The following PTPRD variants were observed in gnomAD, a reference collection of about 807,000 sequenced individuals.
PTPRD encodes the protein receptor-type tyrosine-protein phosphatase delta.
In PTPRD, 34 loss-of-function variants were observed where a neutral mutation model predicts 214.5. The ratio of observed to expected loss-of-function variants is 0.16; its 90% CI spans 0.12 to 0.21. The LOEUF (loss-of-function observed/expected upper bound fraction) is 0.21, where lower values mean the gene tolerates loss of function less well. PTPRD is among the 10% of genes least tolerant of loss of function. PTPRD has a pLI of 1.00. For synonymous variants in PTPRD, 1,128 were observed against 845.7 expected, an observed-to-expected ratio of 1.33 and a Z score of -5.79; for missense variants, 2,545 against 2,398.7, an observed-to-expected ratio of 1.06 and a Z score of -1.27.
At chr9:9,684,222 A>G (rs745766919) in intron 7 of PTPRD, among the ~76,000 whole-genome samples, 3 of 151,712 alleles carry the variant, frequency 2.0e-5, no homozygotes, top group Non-Finnish European at 4.4e-5. Context: ...TTTATTTCAA[A>G]TAGCCAAGAA....
At chr9:10,333,598 T>C (rs904983630) in intron 3 of PTPRD, among the ~76,000 whole-genome samples, 2 of 151,856 alleles carry the variant, frequency 1.3e-5, no homozygotes, top group African/African-American at 4.8e-5. Context: ...AGACAATATT[T>C]ACTTCCATTT....
chr9:8,789,136 C>T (rs1465443744), intron 11 of PTPRD, among the ~76,000 whole-genome samples: 2 of 152,044 alleles, frequency 1.3e-5, no homozygotes, highest in South Asian at 2.1e-4. Flanking sequence ...ACCAAAGATG[C>T]CATTTTATGG....
chr9:8,901,226 G>A (rs117016017), intron 11 of PTPRD, among the ~76,000 whole-genome samples: 5 of 152,124 alleles, frequency 3.3e-5, no homozygotes, highest in Admixed American at 3.3e-4. Context: ...TCTAACATTT[G>A]CATCTTCTGT....
chr9:9,644,164 T>C (rs1207642866), intron 7 of PTPRD, among the ~76,000 whole-genome samples: 1 of 152,228 alleles, frequency 6.6e-6, no homozygotes. Context: ...TATAGATTTC[T>C]TTGTGACAGT....
intron 9 of PTPRD, among the ~76,000 whole-genome samples, chr9:9,291,547 G>C (rs894109847): frequency 6.6e-6 from 1 of 151,146 alleles, no homozygotes; most frequent in Non-Finnish European, 1.5e-5. Context: ...TTTTTTGAAA[G>C]ACCTGATTTT....
At chr9:10,345,438 C>G (rs1410234182) in intron 2 of PTPRD, among the ~76,000 whole-genome samples, 1 of 151,358 alleles carries the variant, frequency 6.6e-6, no homozygotes, top group Non-Finnish European at 1.5e-5. Context: ...CCCACATGCC[C>G]CAGTGTGTGA....
chr9:9,792,962 G>T (rs1312323765), intron 5 of PTPRD, among the ~76,000 whole-genome samples: 1 of 152,136 alleles, frequency 6.6e-6, no homozygotes, highest in Middle Eastern at 3.4e-3. Flanking sequence ...CAGGTATTTT[G>T]AATAATCAAC....
intron 8 of PTPRD, among the ~76,000 whole-genome samples, chr9:9,404,881 A>T (rs1038578417): frequency 6.6e-6 from 1 of 152,006 alleles, no homozygotes; most frequent in Non-Finnish European, 1.5e-5. Context: ...GCTAGATGGG[A>T]TGGTTTAATT....
At chr9:8,423,584 G>A (rs1050008591) in intron 35 of PTPRD, among the ~76,000 whole-genome samples, 35 of 152,246 alleles carry the variant, frequency 2.3e-4, no homozygotes, top group African/African-American at 8.4e-4. Context: ...TGGTGAGCAA[G>A]TTTCCCCTTC....
intron 11 of PTPRD, among the ~76,000 whole-genome samples, chr9:8,987,713 C>T (rs1401052805): frequency 6.6e-6 from 1 of 152,036 alleles, no homozygotes; most frequent in Non-Finnish European, 1.5e-5. Flanking sequence ...GGTAGCACCA[C>T]ATCAGCCTTT....
chr9:8,435,753 G>A (rs1010753159), intron 35 of PTPRD, among the ~76,000 whole-genome samples: 1 of 150,598 alleles, frequency 6.6e-6, no homozygotes, highest in Non-Finnish European at 1.5e-5. Flanking sequence ...ATACACACAG[G>A]CTTTTAATTT....
intron 4 of PTPRD, among the ~76,000 whole-genome samples, chr9:9,943,416 T>C (rs2091980564): frequency 6.6e-6 from 1 of 151,706 alleles, no homozygotes; most frequent in Non-Finnish European, 1.5e-5. Context: ...AGTTTGAAAT[T>C]CATTCATTCA....
At chr9:9,713,743 G>C (rs2097773325) in intron 7 of PTPRD, among the ~76,000 whole-genome samples, 1 of 152,072 alleles carries the variant, frequency 6.6e-6, no homozygotes, top group African/African-American at 2.4e-5. Flanking sequence ...GGAGGAAAGA[G>C]AACAGAATAT....
At chr9:9,312,517 G>A (rs562993510) in intron 9 of PTPRD, among the ~76,000 whole-genome samples, 1 of 152,130 alleles carries the variant, frequency 6.6e-6, no homozygotes, top group Non-Finnish European at 1.5e-5. Context: ...CCCCATGTCT[G>A]CGTGGGTTTT....
intron 39 of PTPRD, among the ~76,000 whole-genome samples, chr9:8,343,877 T>A (rs998997835): frequency 1.3e-5 from 2 of 152,060 alleles, no homozygotes; most frequent in Admixed American, 1.3e-4. Flanking sequence ...GTAAGCCTAC[T>A]TAGGAAGCAG....
In PTPRD at chr9:9,838,230, G is replaced by C. The variant is rs1443782684; in HGVS notation, c.-367-71379C>G. Among the ~76,000 whole-genome samples the C allele has an allele frequency of 1.4e-4, 21 of 152,154 alleles. No homozygotes were observed. In the East Asian group the frequency reaches 2.5e-3, roughly 18 times the overall value. On this transcript the variant is annotated intron_variant, in intron 5 of 45. Transcript: ENST00000381196. ...TGTGAATAGTGCTGCAATAAACATA[G>C]GTGTGCATGTGTCTTTATAGCAGCA... is the stretch of plus-strand genomic sequence containing the variant.
chr9:10,154,391 A>T (rs183941093), intron 3 of PTPRD, among the ~76,000 whole-genome samples: 55 of 152,188 alleles, frequency 3.6e-4, no homozygotes, highest in African/African-American at 1.3e-3. Context: ...GTACAATTTG[A>T]ACAAAAATTC....
intron 10 of PTPRD, among the ~76,000 whole-genome samples, chr9:9,171,042 G>A (rs2099913584): frequency 6.6e-6 from 1 of 152,120 alleles, no homozygotes; most frequent in South Asian, 2.1e-4. Flanking sequence ...CCACATTGTG[G>A]TACCACCAGG....
At chr9:9,556,345 G>A (rs2081503649) in intron 8 of PTPRD, among the ~76,000 whole-genome samples, 1 of 152,068 alleles carries the variant, frequency 6.6e-6, no homozygotes, top group Non-Finnish European at 1.5e-5. Flanking sequence ...CAGGAAAGCA[G>A]AGGAAAAAGA....
Sources: allele counts gnomAD v4.1 joint callset (sites outside exome capture counted in the v4.1 genomes callset), GRCh38; gene constraint gnomAD v4.1.1; transcripts MANE v1.5; gene names NCBI Gene and HGNC (gene_info 2026-07-23, HGNC 2026-07-21).